Variants in MEF2A observed in about 807,000 individuals in gnomAD.
MEF2A encodes myocyte-specific enhancer factor 2A.
MEF2A carries 28 observed loss-of-function variants against 55.8 expected under a neutral mutation model. That is an observed-to-expected ratio of 0.50 (90% CI 0.37 to 0.69). The LOEUF is 0.69. Ranked by LOEUF, MEF2A falls within the 30% of genes least tolerant of loss-of-function variation. MEF2A has a pLI of 0.00. For missense variants in MEF2A, 528 were observed against 626.2 expected (o/e 0.84, Z 1.67); for synonymous variants, 239 against 227.1 (o/e 1.05, Z -0.47).
At chr15:99,651,562 T>C (rs1055610242) in intron 4 of MEF2A, among the ~76,000 whole-genome samples, 1 of 152,188 alleles carries the variant, frequency 6.6e-6, no homozygotes, top group Non-Finnish European at 1.5e-5. Context: ...CCTGCTCTTT[T>C]ATTCCTAACA....
At chr15:99,630,042 C>T (rs1036497179) in intron 2 of MEF2A, among the ~76,000 whole-genome samples, 1 of 149,054 alleles carries the variant, frequency 6.7e-6, no homozygotes, top group African/African-American at 2.5e-5. Flanking sequence ...TCCTTCTCCC[C>T]CTCTCTCCCC....
intron 4 of MEF2A, among the ~76,000 whole-genome samples, chr15:99,650,600 T>C (rs1392704676): frequency 6.6e-6 from 1 of 152,084 alleles, no homozygotes; most frequent in Admixed American, 6.5e-5. Context: ...AAAGAGAAAA[T>C]CTGTTTGAGT....
intron 2 of MEF2A, among the ~76,000 whole-genome samples, chr15:99,602,033 T>A (rs1443650912): frequency 1.3e-5 from 2 of 152,156 alleles, no homozygotes; most frequent in Non-Finnish European, 2.9e-5. Flanking sequence ...TCTGCATGGG[T>A]CTACGGCAAC....
At chr15:99,573,251 T>C (rs933677218) in intron 1 of MEF2A, among the ~76,000 whole-genome samples, 5 of 136,908 alleles carry the variant, frequency 3.7e-5, no homozygotes, top group Non-Finnish European at 6.0e-5. Context: ...ATCGCGCCAC[T>C]GCACTCCAGC....
At chr15:99,637,070 ACT>A (rs1473318641) in intron 3 of MEF2A, among the ~76,000 whole-genome samples, 1 of 149,708 alleles carries the variant, frequency 6.7e-6, no homozygotes, top group Admixed American at 6.6e-5. Context: ...TTAATTCTGC[ACT>A]GTTTTAATTA....
chr15:99,661,533 C>G (rs986221123), intron 4 of MEF2A, among the ~76,000 whole-genome samples: 1 of 150,510 alleles, frequency 6.6e-6, no homozygotes, highest in Non-Finnish European at 1.5e-5. Flanking sequence ...ATTAAAAGAA[C>G]TACTATAAAA....
At chr15:99,656,616 C>T (rs1048324208) in intron 4 of MEF2A, among the ~76,000 whole-genome samples, 2 of 151,978 alleles carry the variant, frequency 1.3e-5, no homozygotes, top group Admixed American at 6.6e-5. Flanking sequence ...GTATACATTC[C>T]CAGAGCTTTC....
At chr15:99,644,002 G>A (rs560673723) in intron 3 of MEF2A, among the ~76,000 whole-genome samples, 8 of 152,166 alleles carry the variant, frequency 5.3e-5, no homozygotes, top group Non-Finnish European at 1.0e-4. Flanking sequence ...AGACTAGATG[G>A]TATTGGCTAG....
intron 2 of MEF2A, among the ~76,000 whole-genome samples, chr15:99,619,890 C>T (rs1432936130): frequency 6.6e-6 from 1 of 152,142 alleles, no homozygotes; most frequent in Non-Finnish European, 1.5e-5. Flanking sequence ...ACTTGGCTTG[C>T]AGTAAACCTT....
chr15:99,706,713 T>G lies in MEF2A; in HGVS notation c.883-16T>G. ...ATACCACATCAGAACACATTTTCTC[T>G]TTTTTGATCTCACAGAATACCCAGA... On this transcript the variant is annotated splice_polypyrimidine_tract_variant and intron_variant, in intron 9 of 11. Transcript: ENST00000557942. 6.2e-7 allele frequency: 1 copy of G among 1,609,302 alleles called. No individual in the cohort carries two copies.
chr15:99,632,391 G>T (rs1026117297), intron 2 of MEF2A, among the ~76,000 whole-genome samples: 19 of 152,154 alleles, frequency 1.2e-4, no homozygotes, highest in African/African-American at 4.3e-4. Context: ...GGAGGCTAGG[G>T]CAATTTGCAA....
intron 2 of MEF2A, among the ~76,000 whole-genome samples, chr15:99,614,491 A>G (rs532323641): frequency 1.3e-5 from 2 of 152,340 alleles, no homozygotes; most frequent in South Asian, 4.1e-4. Flanking sequence ...TTGTTAAGCA[A>G]CTATGGTAGC....
intron 3 of MEF2A, among the ~76,000 whole-genome samples, chr15:99,645,299 T>C (rs1344230769): frequency 6.6e-6 from 1 of 152,174 alleles, no homozygotes; most frequent in Non-Finnish European, 1.5e-5. Flanking sequence ...TCTGTGGTGC[T>C]TCACCCTCTG....
chr15:99,698,310 A>G (rs2056820558), intron 8 of MEF2A, among the ~76,000 whole-genome samples: 1 of 152,234 alleles, frequency 6.6e-6, no homozygotes, highest in East Asian at 1.9e-4. Context: ...ATATTTTAAG[A>G]ATTCTTAAAA....
chr15:99,710,665 C>T lies in MEF2A; in HGVS notation c.1041C>T (p.Ala347=), dbSNP rs753544985. Residue 347 remains alanine (A), a synonymous_variant, in exon 11 of 12, where the codon GCC becomes GCT. Coordinates refer to ENST00000557942, the MANE Select transcript of MEF2A (RefSeq NM_001319206.4). ...CACTGACCAGCGCTGACCTGTCAGC[C>T]CTTCAAGGCTTCAACTCGCCAGGAA... ...DYSLTSADLS[A]LQGFNSPGML... is the part of the protein sequence containing the mutation. 6.2e-7 allele frequency: 1 copy of T among 1,613,530 alleles called. No homozygotes were observed. The highest frequency in any genetic ancestry group is 1.1e-5 in the South Asian group (1 of 91,076).
intron 9 of MEF2A, among the ~76,000 whole-genome samples, chr15:99,704,557 C>T (rs973903385): frequency 1.5e-4 from 23 of 152,164 alleles, no homozygotes; most frequent in African/African-American, 5.3e-4. Context: ...CTATACTGCC[C>T]TCTTGTGGTT....
intron 1 of MEF2A, among the ~76,000 whole-genome samples, chr15:99,597,501 G>T (rs538443186): frequency 1.1e-5 from 1 of 94,894 alleles, no homozygotes; most frequent in Non-Finnish European, 2.7e-5. Context: ...ATTTCACCTC[G>T]GTCCTGTGGT....
At chr15:99,651,845 C>G (rs1013212402) in intron 4 of MEF2A, among the ~76,000 whole-genome samples, 12 of 152,142 alleles carry the variant, frequency 7.9e-5, no homozygotes, top group African/African-American at 2.9e-4. Flanking sequence ...AGGTTCATGT[C>G]ATTGATACAC....
intron 3 of MEF2A, among the ~76,000 whole-genome samples, chr15:99,639,290 A>C (rs1014101134): frequency 6.6e-6 from 1 of 152,126 alleles, no homozygotes; most frequent in South Asian, 2.1e-4. Flanking sequence ...TCATGAATTT[A>C]CATTGTGTTT....
Sources: gnomAD v4.1 joint callset for allele counts (sites outside exome capture counted in the v4.1 genomes callset) on GRCh38, gnomAD v4.1.1 for gene constraint, MANE v1.5 for transcripts, NCBI Gene and HGNC (gene_info 2026-07-23, HGNC 2026-07-21) for gene names.